Variants in BNIP1 observed in about 807,000 individuals in gnomAD.
BNIP1 encodes the protein vesicle transport protein SEC20.
Under a neutral mutation model 28.5 loss-of-function variants are expected in BNIP1, and 25 were observed. That is an observed-to-expected ratio of 0.88 (90% CI 0.64 to 1.23). The LOEUF (loss-of-function observed/expected upper bound fraction) is 1.23. BNIP1 is among the 50% of genes most tolerant of loss of function. BNIP1 has a pLI of 0.00. For synonymous variants in BNIP1, 118 were observed against 101.7 expected, an observed-to-expected ratio of 1.16 and a Z score of -0.96; for missense variants, 276 against 277.0, an observed-to-expected ratio of 1.00 and a Z score of 0.02.
chr5:173,163,526 C>A (rs149315272), intron 5 of BNIP1, among the ~76,000 whole-genome samples, 199 bp from the exon 6 acceptor site: 77 of 152,306 alleles, frequency 5.1e-4, no homozygotes, highest in African/African-American at 1.8e-3. Context: ...CAAACCCCCC[C>A]TCACTCTCTG....
chr5:173,155,673 A>G (rs1021441615), intron 3 of BNIP1, among the ~76,000 whole-genome samples: 1 of 152,136 alleles, frequency 6.6e-6, no homozygotes, highest in Non-Finnish European at 1.5e-5. Flanking sequence ...AGCCTGGGTG[A>G]CAGAGTGAGA....
In BNIP1 at chr5:173,146,682, G is replaced by A. The variant is rs1759844620; in HGVS notation, c.85-184G>A. 3.9e-5 allele frequency among the ~76,000 whole-genome samples: 6 copies of A among 152,286 alleles called. No individual in the cohort carries two copies. In the South Asian group the frequency reaches 1.0e-3, roughly 26 times the overall value. On this transcript the variant is annotated intron_variant, in intron 1 of 5. Transcript: ENST00000351486. ...ATTAATTCAACATTAATCTAAAAAG[G>A]AATGAGAAAAATGTAAATGATAATG...
intron 2 of BNIP1, among the ~76,000 whole-genome samples, 170 bp downstream of exon 2, chr5:173,147,128 C>T (rs550575184): frequency 1.3e-5 from 2 of 152,176 alleles, no homozygotes; most frequent in South Asian, 2.1e-4. Context: ...AACTTTTGGC[C>T]GGGCACGGTG....
At chr5:173,144,745 C>T (rs1244757707) in intron 1 of BNIP1, 116 bp downstream of exon 1, 16 of 1,079,674 alleles carry the variant, frequency 1.5e-5, no homozygotes, top group Non-Finnish European at 1.9e-5. Context: ...AGACCACAGG[C>T]TCCGCCCCAT....
chr5:173,147,742 TTTTA>T (rs1759882404), intron 2 of BNIP1, among the ~76,000 whole-genome samples: 1 of 152,112 alleles, frequency 6.6e-6, no homozygotes, highest in Admixed American at 6.5e-5. Context: ...TGTTTGTTTG[TTTTA>T]TTTATTTCAC....
In BNIP1 at chr5:173,150,740, T is replaced by C. The variant is rs902773944; in HGVS notation, c.178-3582T>C. Among the ~76,000 whole-genome samples the C allele has an allele frequency of 1.3e-5, 2 of 152,220 alleles. 1 individual carries two copies. The highest frequency in any genetic ancestry group is 4.8e-5 in the African/African-American group (2 of 41,444). On this transcript the variant is annotated intron_variant, in intron 2 of 5. Coordinates refer to ENST00000351486, the MANE Select transcript of BNIP1 (RefSeq NM_001205.3). ...ATTCCAGAGTTTCTCTACTCAAATA[T>C]TTAAAAAGACAAATTTCTTTTTTTT...
intron 3 of BNIP1, among the ~76,000 whole-genome samples, chr5:173,156,870 G>T (rs551568734): frequency 6.6e-6 from 1 of 151,210 alleles, no homozygotes; most frequent in Non-Finnish European, 1.5e-5. Context: ...GGACGGTCTC[G>T]ATCACCTGAC....
intron 2 of BNIP1, among the ~76,000 whole-genome samples, chr5:173,149,901 G>A (rs576298949): frequency 5.7e-4 from 86 of 152,200 alleles, no homozygotes; most frequent in African/African-American, 2.0e-3. Context: ...CCAACACTGG[G>A]GATTACCATT....
chr5:173,149,008 A>G (rs1216088893), intron 2 of BNIP1, among the ~76,000 whole-genome samples: 6 of 152,026 alleles, frequency 3.9e-5, no homozygotes, highest in Non-Finnish European at 7.4e-5. Flanking sequence ...GTTGGCAGAG[A>G]ACTAGCACTT....
chr5:173,154,313 TC>T lies in BNIP1; in HGVS notation c.178-7del, dbSNP rs763331749. ...AATCATTTTAACATGGAATTATTTT[TC>T]CTCAAAGGACCTGGAGCAGTTGGCT... On this transcript the variant is annotated splice_polypyrimidine_tract_variant and splice_region_variant and intron_variant, in intron 2 of 5. Coordinates refer to ENST00000351486, the MANE Select transcript of BNIP1 (RefSeq NM_001205.3). 1 of 1,607,940 alleles carries T rather than the reference TC, an allele frequency of 6.2e-7. No homozygotes were observed. The highest frequency in any genetic ancestry group is 1.1e-5 in the South Asian group (1 of 89,922).
chr5:173,147,145 G>A (rs924580819), intron 2 of BNIP1, among the ~76,000 whole-genome samples, 187 bp downstream of exon 2: 4 of 152,120 alleles, frequency 2.6e-5, no homozygotes, highest in Non-Finnish European at 5.9e-5. Context: ...GGTGGCTCAC[G>A]CCTGTAATCC....
In BNIP1 at chr5:173,160,872, A is replaced by T. The variant is rs1011852070; in HGVS notation, c.490+821A>T. ...GAGGCTACAGGAGAGACTGCTTGAG[A>T]CCATCTGGTTTCCTCCAATAGTTTT... is the stretch of plus-strand genomic sequence containing the variant. On this transcript the variant is annotated intron_variant, in intron 5 of 5. Transcript: ENST00000351486. 12 of 456,096 alleles carry T rather than the reference A, an allele frequency of 2.6e-5. No homozygotes were observed. In the East Asian group the frequency reaches 4.9e-4, roughly 18 times the overall value. The allele number at this position is 456,096 out of a possible 1,614,324, so 28.3% of individuals were successfully genotyped here. A position where few individuals can be genotyped will look rare whatever the true frequency, so the allele number is the denominator to read the frequency against.
chr5:173,157,431 T>C (rs76598211), intron 3 of BNIP1, among the ~76,000 whole-genome samples: 1 of 152,112 alleles, frequency 6.6e-6, no homozygotes, highest in Non-Finnish European at 1.5e-5. Context: ...TTTTTTTTTT[T>C]GAGACGGAGT....
At chr5:173,156,197 C>A (rs187036734) in intron 3 of BNIP1, among the ~76,000 whole-genome samples, 1 of 152,130 alleles carries the variant, frequency 6.6e-6, no homozygotes, top group East Asian at 1.9e-4. Flanking sequence ...CCTGAGCCAC[C>A]AAGCCTACTC....
chr5:173,160,373 T>A (rs1334160482), intron 5 of BNIP1, among the ~76,000 whole-genome samples: 1 of 152,164 alleles, frequency 6.6e-6, no homozygotes, highest in Non-Finnish European at 1.5e-5. Flanking sequence ...TAGCTGGGAT[T>A]ACCGGCCTGC....
intron 3 of BNIP1, among the ~76,000 whole-genome samples, chr5:173,157,926 G>T (rs255297): frequency 0.41 from 56,466 of 137,776 alleles, 12,202 homozygotes; most frequent in Non-Finnish European, 0.49. Flanking sequence ...GTGTGTGTGT[G>T]TTTTTTTTTT....
chr5:173,147,976 T>C (rs560215596), intron 2 of BNIP1, among the ~76,000 whole-genome samples: 81 of 144,042 alleles, frequency 5.6e-4, no homozygotes, highest in African/African-American at 2.1e-3. Context: ...GGCAGGAGAA[T>C]CGCTTGAACC....
intron 1 of BNIP1, chr5:173,145,141 A>C (rs953565127): frequency 1.3e-5 from 2 of 155,116 alleles, no homozygotes; most frequent in African/African-American, 4.8e-5. Context: ...GCTTGAGGAA[A>C]TCGAGTACGG....
At position 173,157,377 on chromosome 5, in the gene BNIP1, C is replaced by T. The variant is rs148700476; in HGVS notation, c.270-1367C>T. Among the ~76,000 whole-genome samples the T allele has an allele frequency of 1.7e-3, 261 of 152,060 alleles. 1 individual carries two copies. Among genetic ancestry groups the T allele is most frequent in the Admixed American group, 3.0e-3 (46 of 15,270 alleles). The stretch of plus-strand genomic sequence containing the variant: ...AGTATGAGTTTGATTCTTAGAGAGA[C>T]GCAGTTAGCTTTTTTATAGTCTATC... On this transcript the variant is annotated intron_variant, in intron 3 of 5. Transcript: ENST00000351486.
Sources: gnomAD v4.1 joint callset for allele counts (sites outside exome capture counted in the v4.1 genomes callset) on GRCh38, gnomAD v4.1.1 for gene constraint, MANE v1.5 for transcripts, NCBI Gene and HGNC (gene_info 2026-07-23, HGNC 2026-07-21) for gene names.